The following NLGN4Y variants were observed in gnomAD, a reference collection of about 807,000 sequenced individuals.
NLGN4Y encodes the protein neuroligin-4, Y-linked.
A neutral mutation model predicts 8.4 loss-of-function variants in NLGN4Y; 4 were observed. That is an observed-to-expected ratio of 0.48 (90% CI 0.23 to 1.09). The LOEUF is 1.09. Ranked by LOEUF, NLGN4Y falls within the 50% of genes least tolerant of loss-of-function variation. The probability of loss-of-function intolerance (pLI) is 0.19; values close to 1 mark genes in which losing one functional copy is unlikely to be tolerated. For synonymous variants in NLGN4Y, 35 were observed against 75.6 expected (o/e 0.46, Z 2.78); for missense variants, 90 against 192.3 (o/e 0.47, Z 3.15).
chrY:14,529,732 CAA>C (rs767579566), intron 1 of NLGN4Y, among the ~76,000 whole-genome samples: 14 of 32,408 alleles, frequency 4.3e-4, no homozygotes, highest in Admixed American at 3.2e-3. Flanking sequence ...TTTTCACAAA[CAA>C]ATTTTATCAT....
At chrY:14,733,781 T>C (rs1038446013) in intron 4 of NLGN4Y, among the ~76,000 whole-genome samples, 4 of 32,728 alleles carry the variant, frequency 1.2e-4, no homozygotes, top group Non-Finnish European at 3.0e-4. Context: ...GAAGCACATG[T>C]GAGAGGGTGC....
At chrY:14,558,477 A>G (rs2080216880) in intron 1 of NLGN4Y, among the ~76,000 whole-genome samples, 1 of 33,160 alleles carries the variant, frequency 3.0e-5, no homozygotes, top group Admixed American at 2.8e-4. Context: ...GAAAATGTAA[A>G]CCCTAGTTAC....
At chrY:14,546,350 C>G (rs2150467829) in intron 1 of NLGN4Y, among the ~76,000 whole-genome samples, 9 of 33,261 alleles carry the variant, frequency 2.7e-4, no homozygotes, top group Admixed American at 8.2e-4. Flanking sequence ...GGCATTGAAT[C>G]TATAAATTAC....
At chrY:14,635,151 C>T (rs925596331) in intron 2 of NLGN4Y, among the ~76,000 whole-genome samples, 3 of 33,670 alleles carry the variant, frequency 8.9e-5, no homozygotes, top group Admixed American at 2.7e-4. Flanking sequence ...TCCTATCTGC[C>T]TATCACATAT....
At chrY:14,822,150 G>A (rs919691206) in intron 4 of NLGN4Y, among the ~76,000 whole-genome samples, 1 of 34,234 alleles carries the variant, frequency 2.9e-5, no homozygotes, top group African/African-American at 1.1e-4. Context: ...ATCCCTGGAT[G>A]TTGCAGTAAA....
At position 14,693,196 on chromosome Y, in the gene NLGN4Y, G is replaced by T. The variant is rs539459676; in HGVS notation, c.473-26263G>T. Among the ~76,000 whole-genome samples the T allele has an allele frequency of 5.5e-3, 178 of 32,512 alleles. No homozygotes were observed. In the South Asian group the frequency reaches 0.12, roughly 22 times the overall value. 87.2% of individuals were successfully genotyped at this position (32,512 alleles called of 37,273 possible). ...TATTTAAGAGCTTCAGGCATGGAAA[G>T]ATTTTGTCTGCCTGCCACAGCCTTC... On this transcript the variant is annotated intron_variant, in intron 2 of 6. Coordinates refer to ENST00000684976, the MANE Select transcript of NLGN4Y (RefSeq NM_001365588.1).
At chrY:14,820,783 G>T (rs765296799) in intron 4 of NLGN4Y, among the ~76,000 whole-genome samples, 1 of 33,354 alleles carries the variant, frequency 3.0e-5, no homozygotes, top group Admixed American at 2.7e-4. Context: ...TAGGATAGAT[G>T]GGCGAGTCTC....
At chrY:14,669,906 A>G (rs2080704643) in intron 2 of NLGN4Y, among the ~76,000 whole-genome samples, 1 of 34,374 alleles carries the variant, frequency 2.9e-5, no homozygotes, top group Non-Finnish European at 7.3e-5. Context: ...GGCTCTAGCC[A>G]TGTACCATGA....
chrY:14,836,896 GAA>G (rs2043199074), intron 6 of NLGN4Y, among the ~76,000 whole-genome samples: 1 of 33,736 alleles, frequency 3.0e-5, no homozygotes, highest in Non-Finnish European at 7.3e-5. Flanking sequence ...TCAGAAATGG[GAA>G]AAGAGTTTTG....
intron 1 of NLGN4Y, among the ~76,000 whole-genome samples, chrY:14,552,792 T>C (rs2080198293): frequency 5.9e-5 from 2 of 33,712 alleles, no homozygotes; most frequent in Non-Finnish European, 1.5e-4. Flanking sequence ...GAGCTATTTA[T>C]GACAAAGCCA....
chrY:14,805,487 C>T (rs2043053903), intron 4 of NLGN4Y, among the ~76,000 whole-genome samples: 1 of 33,481 alleles, frequency 3.0e-5, no homozygotes, highest in South Asian at 6.8e-4. Flanking sequence ...CACAATTGTA[C>T]GCTGCAGAAG....
At chrY:14,762,574 G>C (rs1022905091) in intron 4 of NLGN4Y, among the ~76,000 whole-genome samples, 1 of 34,331 alleles carries the variant, frequency 2.9e-5, no homozygotes, top group Non-Finnish European at 7.3e-5. Context: ...TCTCTGTAAA[G>C]TGCAGGTCGA....
intron 1 of NLGN4Y, among the ~76,000 whole-genome samples, chrY:14,560,150 G>A: frequency 6.1e-5 from 2 of 32,897 alleles, no homozygotes; most frequent in Non-Finnish European, 1.5e-4. Context: ...CCTTTCAGAG[G>A]CTTCGTTTTC....
chrY:14,692,952 C>T (rs2080815984), intron 2 of NLGN4Y, among the ~76,000 whole-genome samples: 1 of 33,205 alleles, frequency 3.0e-5, no homozygotes, highest in Admixed American at 2.8e-4. Context: ...TGCTTTTTTT[C>T]CTTCTTTCCT....
Position 14,636,446 on chromosome Y carries a change from C to A in NLGN4Y, c.472+13855C>A, listed in dbSNP as rs757624352. ...ATGACTAGTATGAAATCAATGAAAT[C>A]AAGTTATAATTTGCATGTTTCTAAA... is the stretch of plus-strand genomic sequence containing the variant. On this transcript the variant is annotated intron_variant, in intron 2 of 6. Transcript: ENST00000684976. Among the ~76,000 whole-genome samples the A allele has an allele frequency of 3.2e-3, 105 of 33,160 alleles. No homozygotes were observed. The East Asian group carries it at 0.08, about 25-fold the overall frequency. 89.0% of individuals were successfully genotyped at this position (33,160 alleles called of 37,273 possible).
chrY:14,785,700 CT>C (rs2042961846), intron 4 of NLGN4Y, among the ~76,000 whole-genome samples: 1 of 24,754 alleles, frequency 4.0e-5, no homozygotes, highest in East Asian at 1.1e-3. Flanking sequence ...GGAGGCGGAG[CT>C]TGTAGTGAGC....
intron 2 of NLGN4Y, among the ~76,000 whole-genome samples, chrY:14,705,522 C>T (rs549768787): frequency 0.025 from 825 of 33,358 alleles, no homozygotes; most frequent in Middle Eastern, 0.17. Context: ...GCAGGCTTTA[C>T]TGAATTATAG....
intron 1 of NLGN4Y, among the ~76,000 whole-genome samples, chrY:14,565,333 G>C (rs2150477463): frequency 3.2e-5 from 1 of 31,528 alleles, no homozygotes; most frequent in South Asian, 7.2e-4. Context: ...TAAACGACAT[G>C]ATGGAGCTGA....
intron 2 of NLGN4Y, among the ~76,000 whole-genome samples, chrY:14,676,081 A>G: frequency 3.1e-5 from 1 of 32,495 alleles, no homozygotes; most frequent in Non-Finnish European, 7.5e-5. Context: ...TTGTTCCTAT[A>G]ACTCATGTGT....
Sources: allele counts gnomAD v4.1 joint callset (sites outside exome capture counted in the v4.1 genomes callset), GRCh38; gene constraint gnomAD v4.1.1; transcripts MANE v1.5; gene names NCBI Gene and HGNC (gene_info 2026-07-23, HGNC 2026-07-21).